Variants in SLC25A13 observed in about 807,000 individuals in gnomAD.
SLC25A13 encodes solute carrier family 25 member 13.
SLC25A13 carries 70 observed loss-of-function variants against 85.5 expected under a neutral mutation model. That is an observed-to-expected ratio of 0.82 (90% CI 0.68 to 1.00). The LOEUF (loss-of-function observed/expected upper bound fraction) is 1.00, where lower values mean the gene tolerates loss of function less well. SLC25A13 is among the 50% of genes least tolerant of loss of function. The probability of loss-of-function intolerance (pLI) is 0.00; values close to 1 mark genes in which losing one functional copy is unlikely to be tolerated. For synonymous variants in SLC25A13, 259 were observed against 288.7 expected, an observed-to-expected ratio of 0.90 and a Z score of 1.04; for missense variants, 765 against 819.8, an observed-to-expected ratio of 0.93 and a Z score of 0.82.
chr7:96,221,552 G>A (rs778658085), intron 4 of SLC25A13, among the ~76,000 whole-genome samples: 2 of 152,048 alleles, frequency 1.3e-5, no homozygotes, highest in Non-Finnish European at 2.9e-5. Flanking sequence ...TTTCATTTTC[G>A]AAGTGTCTTT....
chr7:96,318,545 T>G (rs886959289), intron 1 of SLC25A13, among the ~76,000 whole-genome samples: 4 of 152,232 alleles, frequency 2.6e-5, no homozygotes, highest in African/African-American at 9.6e-5. Flanking sequence ...AGTTTTAGAT[T>G]AATGTTCATT....
At chr7:96,193,729 G>A (rs948008103) in intron 5 of SLC25A13, among the ~76,000 whole-genome samples, 29 of 152,204 alleles carry the variant, frequency 1.9e-4, no homozygotes, top group African/African-American at 5.5e-4. Context: ...TCTTTATTAC[G>A]GGAGGGCTGT....
chr7:96,289,002 C>A (rs1799004366), intron 2 of SLC25A13, among the ~76,000 whole-genome samples: 1 of 152,160 alleles, frequency 6.6e-6, no homozygotes, highest in African/African-American at 2.4e-5. Context: ...CTGGGAGGCG[C>A]CCCCCAGTAG....
At chr7:96,140,877 C>T (rs1160660387) in intron 14 of SLC25A13, among the ~76,000 whole-genome samples, 2 of 151,448 alleles carry the variant, frequency 1.3e-5, no homozygotes, top group Non-Finnish European at 2.9e-5. Flanking sequence ...TTTTCACATA[C>T]ATACGTGTTG....
chr7:96,191,311 T>C, intron 6 of SLC25A13, 64 bp from the exon 7 acceptor site: 1 of 1,527,716 alleles, frequency 6.5e-7, no homozygotes, highest in Non-Finnish European at 9.0e-7. Context: ...GATTCAGAAG[T>C]ACATACATCT....
intron 13 of SLC25A13, among the ~76,000 whole-genome samples, chr7:96,160,498 A>G (rs1333542076): frequency 2.0e-5 from 3 of 152,224 alleles, no homozygotes; most frequent in Non-Finnish European, 4.4e-5. Context: ...CTGAGATCAC[A>G]GTGCCGGCAC....
intron 7 of SLC25A13, among the ~76,000 whole-genome samples, chr7:96,190,088 T>C (rs537985922): frequency 6.6e-6 from 1 of 150,514 alleles, no homozygotes; most frequent in East Asian, 1.9e-4. Context: ...TCTGATTTTT[T>C]TTTTTTTTTT....
intron 5 of SLC25A13, among the ~76,000 whole-genome samples, chr7:96,205,074 A>AT (rs1259997743): frequency 2.6e-5 from 4 of 151,870 alleles, no homozygotes; most frequent in African/African-American, 4.8e-5. Context: ...TGTCCAGCTA[A>AT]TTTTTTTGTA....
At chr7:96,223,382 A>G (rs1796206854) in intron 4 of SLC25A13, among the ~76,000 whole-genome samples, 1 of 152,262 alleles carries the variant, frequency 6.6e-6, no homozygotes, top group African/African-American at 2.4e-5. Context: ...AACATGTAAT[A>G]GCATAATGCA....
chr7:96,263,142 C>T (rs1797922173), intron 3 of SLC25A13, among the ~76,000 whole-genome samples: 1 of 152,038 alleles, frequency 6.6e-6, no homozygotes, highest in South Asian at 2.1e-4. Context: ...CTGCAAAGAT[C>T]CCTATCAACC....
At chr7:96,241,714 A>G (rs1797004886) in intron 3 of SLC25A13, among the ~76,000 whole-genome samples, 2 of 152,238 alleles carry the variant, frequency 1.3e-5, no homozygotes, top group South Asian at 4.1e-4. Flanking sequence ...CACTGTTCTT[A>G]CAGTAAGAAA....
intron 13 of SLC25A13, among the ~76,000 whole-genome samples, chr7:96,163,694 T>A (rs77424264): frequency 1.1e-3 from 172 of 152,192 alleles, no homozygotes; most frequent in African/African-American, 4.0e-3. Context: ...ATTTTTAGAA[T>A]AAAGATGCTA....
chr7:96,130,173 G>T (rs1001710318), intron 15 of SLC25A13, among the ~76,000 whole-genome samples: 1 of 152,042 alleles, frequency 6.6e-6, no homozygotes, highest in African/African-American at 2.4e-5. Context: ...AGACAGAATC[G>T]TTTCTGGGTA....
rs922613966 is a variant in SLC25A13 at position 96,189,305 on chromosome 7, C to T, written c.922G>A (p.Ala308Thr). Residue 308 changes from alanine to threonine, a missense_variant, in exon 9 of 18, where the codon GCC (alanine) becomes ACC (threonine). Ala to Thr is a moderately conservative substitution (Grantham distance 58, BLOSUM62 0). Transcript: ENST00000265631. ...TCCTCTTTGCTCACCTGCCTCTGGG[C>T]CTCAGCCAAGTTAAAGGGCAGAGTT... ...EGTLPFNLAE[A>T]QRQKASGDSA... 2 of 1,614,038 alleles carry T rather than the reference C, an allele frequency of 1.2e-6. No individual in the cohort carries two copies. The highest frequency in any genetic ancestry group is 2.7e-5 in the African/African-American group (2 of 75,034).
intron 4 of SLC25A13, among the ~76,000 whole-genome samples, chr7:96,226,011 C>CTT (rs542714952): frequency 6.8e-6 from 1 of 147,664 alleles, no homozygotes; most frequent in African/African-American, 2.5e-5. Context: ...AAAATAAAAT[C>CTT]TTTTTTTTTT....
At chr7:96,248,881 C>G (rs1244089867) in intron 3 of SLC25A13, among the ~76,000 whole-genome samples, 2 of 152,162 alleles carry the variant, frequency 1.3e-5, no homozygotes, top group African/African-American at 2.4e-5. Flanking sequence ...AATTCACATT[C>G]TGAATGATTA....
chr7:96,234,941 G>A (rs1796690455), intron 3 of SLC25A13, 24 bp from the exon 4 acceptor site: 1 of 1,568,996 alleles, frequency 6.4e-7, no homozygotes, highest in Non-Finnish European at 8.8e-7. Context: ...CAAACATAAA[G>A]CAAAAGTCAG....
At chr7:96,153,654 G>A (rs1793135996) in intron 13 of SLC25A13, among the ~76,000 whole-genome samples, 1 of 152,194 alleles carries the variant, frequency 6.6e-6, no homozygotes, top group South Asian at 2.1e-4. Flanking sequence ...TCAGTGCCAT[G>A]TGTACTCTCA....
chr7:96,270,772 C>T (rs368417941), intron 3 of SLC25A13, among the ~76,000 whole-genome samples: 1 of 152,072 alleles, frequency 6.6e-6, no homozygotes, highest in Non-Finnish European at 1.5e-5. Flanking sequence ...AAAATTTATG[C>T]TATCACAGTT....
Sources: gnomAD v4.1 joint callset for allele counts (sites outside exome capture counted in the v4.1 genomes callset) on GRCh38, gnomAD v4.1.1 for gene constraint, MANE v1.5 for transcripts, NCBI Gene and HGNC (gene_info 2026-07-23, HGNC 2026-07-21) for gene names.